Variants in CEP192 observed in about 807,000 individuals in gnomAD.
The protein encoded by CEP192 is centrosomal protein of 192 kDa.
CEP192 carries 151 observed loss-of-function variants against 271.8 expected under a neutral mutation model. The observed-to-expected ratio is 0.56, with a 90% confidence interval of 0.49 to 0.64. The LOEUF (loss-of-function observed/expected upper bound fraction) is 0.64. Among genes scored for constraint, CEP192 ranks in the 30% least tolerant of loss-of-function variants. The pLI is 0.00. For missense variants in CEP192, 2,910 were observed against 3,020.5 expected (o/e 0.96, Z 0.86); for synonymous variants, 995 against 1,076.5 (o/e 0.92, Z 1.48).
chr18:13,008,539 C>T lies in CEP192; in HGVS notation c.374C>T (p.Thr125Ile). Residue 125 changes from threonine to isoleucine, a missense_variant, in exon 4 of 45, where the codon ACA (threonine) becomes ATA (isoleucine). Physicochemically the swap from Thr to Ile is moderately conservative, Grantham distance 89. Transcript: ENST00000506447. Reference sequence around the variant, plus strand: ...AAACAGTCAGCTTTACAAATGGAGACAGCAGGACCAGAAGAGGAGCCAGCC... The same window carrying T: ...AAACAGTCAGCTTTACAAATGGAGATAGCAGGACCAGAAGAGGAGCCAGCC... ...LSKQSALQMETAGPEEEPAGA... is the reference protein window; with the variant it reads ...LSKQSALQMEIAGPEEEPAGA... The T allele has an allele frequency of 6.4e-7, 1 of 1,551,446 alleles. No homozygotes were observed. The highest frequency in any genetic ancestry group is 1.2e-5 in the South Asian group (1 of 84,056).
At chr18:13,058,910 C>T in intron 20 of CEP192, 172 bp from the exon 21 acceptor site, 1 of 599,922 alleles carries the variant, frequency 1.7e-6, no homozygotes. Flanking sequence ...AAGCATTTGA[C>T]TCGTTGTACT....
intron 7 of CEP192, among the ~76,000 whole-genome samples, chr18:13,018,205 G>A (rs2034773438): frequency 6.6e-6 from 1 of 152,094 alleles, no homozygotes; most frequent in Admixed American, 6.5e-5. Flanking sequence ...ATGTCTCCTT[G>A]TGAAGGTAGC....
At chr18:13,102,168 G>A (rs1028962061) in intron 38 of CEP192, among the ~76,000 whole-genome samples, 7 of 151,792 alleles carry the variant, frequency 4.6e-5, no homozygotes, top group African/African-American at 1.7e-4. Context: ...TTTCCTCTGG[G>A]AGCTCCTGCC....
At chr18:13,098,046 T>A (rs1042536399) in intron 36 of CEP192, among the ~76,000 whole-genome samples, 6 of 152,106 alleles carry the variant, frequency 3.9e-5, no homozygotes, top group African/African-American at 1.4e-4. Flanking sequence ...GTCTACTTCT[T>A]TCTACACAGA....
chr18:13,092,336 T>TGTGAA, intron 33 of CEP192, 41 bp from the exon 34 acceptor site: 1 of 1,366,574 alleles, frequency 7.3e-7, no homozygotes, highest in African/African-American at 1.5e-5. Flanking sequence ...GGTATGCTTG[T>TGTGAA]GTGAACATTC....
In CEP192 at chr18:12,999,533, G is replaced by T; in HGVS notation, c.109G>T (p.Gly37Cys). ...LENVTLSSNL[G>C]LPVAVSTLAR... ...AAATGTCACTCTTTCTTCAAATCTTGGCTTGCCTGTTGCTGTTTCTACACT... is the reference window on the plus strand; with the variant it reads ...AAATGTCACTCTTTCTTCAAATCTTTGCTTGCCTGTTGCTGTTTCTACACT... Residue 37 changes from glycine to cysteine, a missense_variant, in exon 2 of 45, where the codon GGC becomes TGC. Coordinates refer to ENST00000506447, the MANE Select transcript of CEP192 (RefSeq NM_032142.4). 1 of 1,550,858 alleles carries T rather than the reference G, an allele frequency of 6.4e-7. No homozygotes were observed. Among genetic ancestry groups the T allele is most frequent in the Non-Finnish European group, 8.7e-7 (1 of 1,146,740 alleles).
chr18:13,056,183 G>T lies in CEP192; in HGVS notation c.3593G>T (p.Arg1198Ile), dbSNP rs749236118. The T allele has an allele frequency of 6.2e-6, 10 of 1,613,884 alleles. No homozygotes were observed. Among genetic ancestry groups the T allele is most frequent in the Non-Finnish European group, 8.5e-6 (10 of 1,179,946 alleles). Residue 1198 changes from arginine (R) to isoleucine (I), a missense_variant, in exon 19 of 45, where the codon AGA becomes ATA. Coordinates refer to ENST00000506447, the MANE Select transcript of CEP192 (RefSeq NM_032142.4). The part of the protein sequence containing the change: ...SCQEPIDEDQ[R>I]ISPKDKSTAG... ...CAGGAGCCTATAGATGAAGATCAAA[G>T]AATAAGTCCTAAAGATAAGTCAACT...
intron 20 of CEP192, chr18:13,058,488 C>T (rs2037235343): frequency 6.5e-6 from 1 of 152,680 alleles, no homozygotes; most frequent in African/African-American, 2.4e-5. Context: ...CCTCTACTTC[C>T]AGTCCTTAGG....
rs759400976 is a variant in CEP192 at position 13,049,188 on chromosome 18, CTT to C, written c.2400_2401del (p.Ser801LysfsTer3). The C allele has an allele frequency of 6.2e-7, 1 of 1,613,946 alleles. No homozygotes were observed. Among genetic ancestry groups the C allele is most frequent in the South Asian group, 1.1e-5 (1 of 91,080 alleles). ...VSRYESALEN[F>X]SRASMSDTWD... ...GTAGATATGAAAGTGCATTGGAAAA[CTT>C]TTCAAGGGCTAGTATGTCTGATACT... On this transcript the variant is annotated frameshift_variant, in exon 16 of 45. Transcript: ENST00000506447. LOFTEE classifies it high-confidence loss of function.
At chr18:12,998,303 T>C (rs1271768580) in intron 1 of CEP192, among the ~76,000 whole-genome samples, 1 of 152,228 alleles carries the variant, frequency 6.6e-6, no homozygotes, top group Non-Finnish European at 1.5e-5. Context: ...CATTCTGTTA[T>C]TCTAGCTTCG....
intron 41 of CEP192, 89 bp from the exon 42 acceptor site, chr18:13,114,041 A>G: frequency 6.9e-7 from 1 of 1,447,996 alleles, no homozygotes; most frequent in Non-Finnish European, 9.3e-7. Flanking sequence ...AAAATTTTTA[A>G]AGGAAATGAT....
chr18:13,065,176 T>TG (rs2077264661), intron 21 of CEP192, among the ~76,000 whole-genome samples: 1 of 82,036 alleles, frequency 1.2e-5, no homozygotes, highest in Admixed American at 1.7e-4. Flanking sequence ...CTAATAGTTG[T>TG]TTTTTTTTTT....
At chr18:13,121,223 G>C (rs2040643037) in intron 44 of CEP192, among the ~76,000 whole-genome samples, 1 of 152,246 alleles carries the variant, frequency 6.6e-6, no homozygotes, top group Admixed American at 6.5e-5. Flanking sequence ...CCAGCCTTTA[G>C]TTAATCACAT....
intron 21 of CEP192, among the ~76,000 whole-genome samples, chr18:13,064,816 T>A (rs962002596): frequency 2.0e-5 from 3 of 152,152 alleles, no homozygotes; most frequent in African/African-American, 7.2e-5. Flanking sequence ...CTATTCTAGG[T>A]CTTTTGTGGT....
intron 9 of CEP192, among the ~76,000 whole-genome samples, chr18:13,025,480 G>T (rs1310758387): frequency 6.6e-6 from 1 of 152,156 alleles, no homozygotes; most frequent in South Asian, 2.1e-4. Context: ...GCCTCCTGAA[G>T]TGCTGGGATT....
chr18:13,121,835 A>G (rs937919041), intron 44 of CEP192, among the ~76,000 whole-genome samples: 1 of 152,224 alleles, frequency 6.6e-6, no homozygotes, highest in African/African-American at 2.4e-5. Flanking sequence ...CAGTTCCTAG[A>G]AAAGTGACAA....
intron 9 of CEP192, among the ~76,000 whole-genome samples, chr18:13,028,222 A>T (rs1337286002): frequency 1.3e-5 from 2 of 152,140 alleles, no homozygotes; most frequent in African/African-American, 4.8e-5. Context: ...CTTGTCTGTG[A>T]TACAGACATT....
Position 13,049,352 on chromosome 18 carries a change from A to G in CEP192, c.2561A>G (p.Asn854Ser). The change falls in exon 16 of 45, where the codon AAT becomes AGT. Residue 854 changes from asparagine (N) to serine (S), a missense_variant. Coordinates refer to ENST00000506447, the MANE Select transcript of CEP192 (RefSeq NM_032142.4). ...IVYVENGESE[N>S]QESFRTINSS... ...TATGTTGAAAATGGAGAGAGTGAGA[A>G]TCAAGAGTCATTTAGAACCATAAAC... 1 of 1,614,208 alleles carries G rather than the reference A, an allele frequency of 6.2e-7. No homozygotes were observed.
chr18:13,082,904 A>T (rs1308037643), intron 30 of CEP192, among the ~76,000 whole-genome samples: 1 of 152,136 alleles, frequency 6.6e-6, no homozygotes, highest in Non-Finnish European at 1.5e-5. Flanking sequence ...TGGATATGAA[A>T]TTCTGGGTTG....
Sources: gnomAD v4.1 joint callset for allele counts (sites outside exome capture counted in the v4.1 genomes callset) on GRCh38, gnomAD v4.1.1 for gene constraint, MANE v1.5 for transcripts, NCBI Gene and HGNC (gene_info 2026-07-23, HGNC 2026-07-21) for gene names.